PTBP2: variants seen among roughly 807,000 people sequenced by gnomAD.
PTBP2 encodes the protein polypyrimidine tract-binding protein 2.
PTBP2 carries 13 observed loss-of-function variants against 61.4 expected under a neutral mutation model. The ratio of observed to expected loss-of-function variants is 0.21; its 90% CI spans 0.14 to 0.34. The LOEUF (loss-of-function observed/expected upper bound fraction) is 0.34, where lower values mean the gene tolerates loss of function less well. PTBP2 is among the 10% of genes least tolerant of loss of function. The pLI is 1.00. For missense variants in PTBP2, 405 were observed against 642.6 expected (o/e 0.63, Z 4.00); for synonymous variants, 215 against 218.5 (o/e 0.98, Z 0.14).
At chr1:96,726,439 A>AT (rs543660895) in intron 2 of PTBP2, among the ~76,000 whole-genome samples, 107 of 123,350 alleles carry the variant, frequency 8.7e-4, no homozygotes, top group Middle Eastern at 8.8e-3. Flanking sequence ...TGCCAGACTA[A>AT]TTTTTTTTTT....
chr1:96,748,742 G>A (rs1426298853), intron 2 of PTBP2, among the ~76,000 whole-genome samples: 4 of 152,062 alleles, frequency 2.6e-5, no homozygotes, highest in Non-Finnish European at 4.4e-5. Flanking sequence ...TTAATGTGGG[G>A]CAGTCATCAA....
At chr1:96,775,663 G>T (rs990171465) in intron 5 of PTBP2, among the ~76,000 whole-genome samples, 37 of 152,112 alleles carry the variant, frequency 2.4e-4, no homozygotes, top group African/African-American at 8.7e-4. Flanking sequence ...ATTTTATGGA[G>T]CTTTATACTT....
At chr1:96,807,077 G>A in intron 11 of PTBP2, 119 bp downstream of exon 11, 5 of 690,172 alleles carry the variant, frequency 7.2e-6, no homozygotes, top group Non-Finnish European at 1.2e-5. Flanking sequence ...AATGGCCAGG[G>A]CTCAAAATGT....
chr1:96,781,146 G>T (rs1658622089), intron 7 of PTBP2, among the ~76,000 whole-genome samples: 1 of 152,008 alleles, frequency 6.6e-6, no homozygotes, highest in Non-Finnish European at 1.5e-5. Flanking sequence ...TATTCATGCA[G>T]AGTAGCCTGG....
intron 2 of PTBP2, among the ~76,000 whole-genome samples, chr1:96,734,768 T>G (rs1302188437): frequency 1.3e-5 from 2 of 151,952 alleles, no homozygotes; most frequent in African/African-American, 4.8e-5. Context: ...TATTTTTAAG[T>G]GGTGGGTTTT....
At chr1:96,735,947 G>C (rs908939445) in intron 2 of PTBP2, among the ~76,000 whole-genome samples, 7 of 152,170 alleles carry the variant, frequency 4.6e-5, no homozygotes, top group African/African-American at 1.7e-4. Flanking sequence ...CAAAGACATA[G>C]AGATCTTTAA....
rs571626663 is a variant in PTBP2 at position 96,762,305 on chromosome 1, GC to G, written c.116-7396del. ...GGCTCCTCACTTCCCAGTAGGGGCG[GC>G]CGGGCAGAGGCGCCCCTCACTCCCC... On this transcript the variant is annotated intron_variant, in intron 3 of 13. Coordinates refer to ENST00000674951, the MANE Select transcript of PTBP2 (RefSeq NM_021190.4). 2.6e-3 allele frequency among the ~76,000 whole-genome samples: 399 copies of G among 151,320 alleles called. 5 individuals are homozygous for G. Among genetic ancestry groups the G allele is most frequent in the African/African-American group, 8.8e-3 (359 of 41,014 alleles).
intron 8 of PTBP2, among the ~76,000 whole-genome samples, chr1:96,802,600 C>T (rs1661131659): frequency 6.6e-6 from 1 of 151,954 alleles, no homozygotes; most frequent in Non-Finnish European, 1.5e-5. Flanking sequence ...AGATCTAGTC[C>T]AAATATCTTT....
intron 7 of PTBP2, among the ~76,000 whole-genome samples, chr1:96,778,902 AC>A (rs1658338179): frequency 6.6e-6 from 1 of 152,112 alleles, no homozygotes; most frequent in South Asian, 2.1e-4. Context: ...GAAAGGCTAT[AC>A]AAGTAATAAT....
At chr1:96,736,998 T>C (rs1403117742) in intron 2 of PTBP2, among the ~76,000 whole-genome samples, 7 of 151,586 alleles carry the variant, frequency 4.6e-5, no homozygotes, top group East Asian at 3.9e-4. Flanking sequence ...CTTTTTTTTT[T>C]AGACGGAGTC....
chr1:96,753,039 A>G (rs918741215), intron 3 of PTBP2, among the ~76,000 whole-genome samples: 4 of 152,146 alleles, frequency 2.6e-5, no homozygotes, highest in African/African-American at 9.7e-5. Context: ...TTTGGAATTT[A>G]TGGAGAAGTC....
rs1323072555 is a variant in PTBP2 at position 96,813,826 on chromosome 1, T to G, written c.*421T>G. 2 of 153,378 alleles carry G rather than the reference T, an allele frequency of 1.3e-5. No homozygotes were observed. The highest frequency in any genetic ancestry group is 4.8e-5 in the African/African-American group (2 of 41,478). 9.5% of individuals were successfully genotyped at this position (153,378 alleles called of 1,614,324 possible). A position where few individuals can be genotyped will look rare whatever the true frequency, so the allele number is the denominator to read the frequency against. On this transcript the variant is annotated 3_prime_UTR_variant, in exon 14 of 14. Coordinates refer to ENST00000674951, the MANE Select transcript of PTBP2 (RefSeq NM_021190.4). ...GTTTAGGCAGGGGTGTGTAAAAAGG[T>G]TAAGTTTTTGTTTCTCCTGCTTGGA...
chr1:96,817,715 T>A (rs1662537816), downstream of PTBP2: 1 of 152,102 alleles, frequency 6.6e-6, no homozygotes, highest in Admixed American at 6.6e-5. Flanking sequence ...AGTTCAAACC[T>A]TATTCTTTCC....
rs900511668 is a variant in PTBP2, at chr1:96,814,253, A to G, written c.*848A>G. On this transcript the variant is annotated 3_prime_UTR_variant, in exon 14 of 14. Coordinates refer to ENST00000674951, the MANE Select transcript of PTBP2 (RefSeq NM_021190.4). ...TGACATGACTTACGTGCATTTAAAT[A>G]TATATTGCCATCCTTAGTTTGTAAT... 6.6e-6 allele frequency: 1 copy of G among 152,522 alleles called. No individual in the cohort carries two copies. The allele number at this position is 152,522 out of a possible 1,614,324, so 9.4% of individuals were successfully genotyped here.
chr1:96,769,827 A>T lies in PTBP2; in HGVS notation c.240A>T (p.Leu80Phe). ...AAACTGAAGTTATTGCTTTAGGCTT[A>T]CCTTTTGGTAAGGTGACCAACATCC... ...VTETEVIALGLPFGKVTNILM... is the reference protein window; with the variant it reads ...VTETEVIALGFPFGKVTNILM... Residue 80 changes from leucine to phenylalanine, a missense_variant, in exon 4 of 14, where the codon TTA becomes TTT. Physicochemically the swap from Leu to Phe is conservative, Grantham distance 22 (BLOSUM62 0). Coordinates refer to ENST00000674951, the MANE Select transcript of PTBP2 (RefSeq NM_021190.4). The T allele has an allele frequency of 1.9e-6, 3 of 1,608,390 alleles. No homozygotes were observed. The highest frequency in any genetic ancestry group is 2.5e-6 in the Non-Finnish European group (3 of 1,177,348).
At chr1:96,741,149 G>A (rs1290051859) in intron 2 of PTBP2, among the ~76,000 whole-genome samples, 4 of 150,284 alleles carry the variant, frequency 2.7e-5, no homozygotes, top group African/African-American at 4.9e-5. Flanking sequence ...GTTTTAATTT[G>A]CATTCCCTAT....
intron 8 of PTBP2, among the ~76,000 whole-genome samples, chr1:96,802,266 T>C (rs1661095018): frequency 6.8e-6 from 1 of 148,004 alleles, no homozygotes; most frequent in Non-Finnish European, 1.5e-5. Context: ...CTTGTGATTC[T>C]CCATAGTTTT....
intron 8 of PTBP2, among the ~76,000 whole-genome samples, chr1:96,804,127 A>T (rs1661284226): frequency 6.6e-6 from 1 of 152,242 alleles, no homozygotes; most frequent in Non-Finnish European, 1.5e-5. Context: ...ATAGGAAAAT[A>T]CTGAAACAAA....
intron 3 of PTBP2, among the ~76,000 whole-genome samples, chr1:96,761,346 ATGTG>A (rs57451223): frequency 0.025 from 3,542 of 140,498 alleles, 62 homozygotes; most frequent in Admixed American, 0.06. Context: ...GTGGGATTTG[ATGTG>A]TGTGTGTGTG....
Sources: allele counts gnomAD v4.1 joint callset (sites outside exome capture counted in the v4.1 genomes callset), GRCh38; gene constraint gnomAD v4.1.1; transcripts MANE v1.5; gene names NCBI Gene and HGNC (gene_info 2026-07-23, HGNC 2026-07-21).